TTC23: variants seen among roughly 807,000 people sequenced by gnomAD.
The protein encoded by TTC23 is tetratricopeptide repeat domain 23, also known as tetratricopeptide repeat protein 23.
Under a neutral mutation model 55.1 loss-of-function variants are expected in TTC23, and 58 were observed. The observed-to-expected ratio is 1.05, with a 90% confidence interval of 0.85 to 1.31. TTC23 has a LOEUF of 1.31. TTC23 is among the 50% of genes most tolerant of loss of function. The pLI is 0.00. For missense variants in TTC23, 516 were observed against 534.4 expected, an observed-to-expected ratio of 0.97 and a Z score of 0.34; for synonymous variants, 203 against 199.9, an observed-to-expected ratio of 1.02 and a Z score of -0.13.
chr15:99,223,404 G>A (rs989119077), intron 5 of TTC23, among the ~76,000 whole-genome samples: 5 of 152,326 alleles, frequency 3.3e-5, no homozygotes, highest in African/African-American at 9.6e-5. Context: ...AAGAGGAAAA[G>A]ACACCAGGGA....
chr15:99,226,500 A>T (rs1324286692), intron 5 of TTC23, among the ~76,000 whole-genome samples: 1 of 152,358 alleles, frequency 6.6e-6, no homozygotes, highest in Admixed American at 6.5e-5. Flanking sequence ...TAAAAAACTG[A>T]TATTTTAAAA....
At chr15:99,208,524 C>G (rs1192673039) in intron 8 of TTC23, among the ~76,000 whole-genome samples, 2 of 152,022 alleles carry the variant, frequency 1.3e-5, no homozygotes, top group African/African-American at 4.8e-5. Flanking sequence ...ATGAATACAA[C>G]ACGCAATTGC....
chr15:99,197,135 C>T (rs1241094626), intron 9 of TTC23, among the ~76,000 whole-genome samples: 1 of 151,142 alleles, frequency 6.6e-6, no homozygotes, highest in Non-Finnish European at 1.5e-5. Context: ...CGGAGTCACG[C>T]TCCAACGCCC....
At chr15:99,212,770 G>C (rs988539227) in intron 8 of TTC23, among the ~76,000 whole-genome samples, 3 of 152,116 alleles carry the variant, frequency 2.0e-5, no homozygotes, top group Non-Finnish European at 4.4e-5. Flanking sequence ...GGCCGAGACA[G>C]GAGGATCGCT....
chr15:99,233,806 G>C (rs1007549891), intron 4 of TTC23, among the ~76,000 whole-genome samples: 3 of 152,086 alleles, frequency 2.0e-5, no homozygotes, highest in Non-Finnish European at 4.4e-5. Flanking sequence ...GCTACGGTAG[G>C]CAAGGCAGTT....
chr15:99,202,055 T>C (rs899625771), intron 8 of TTC23, among the ~76,000 whole-genome samples: 1 of 152,234 alleles, frequency 6.6e-6, no homozygotes, highest in Non-Finnish European at 1.5e-5. Context: ...TTCGTTTACA[T>C]ATCATCCATG....
chr15:99,171,687 CGAGTAGCTGGG>C (rs978710288), intron 10 of TTC23, among the ~76,000 whole-genome samples: 25 of 151,682 alleles, frequency 1.6e-4, no homozygotes, highest in African/African-American at 5.3e-4. Context: ...CTCAGCCTCC[CGAGTAGCTGGG>C]ACTACAGGTG....
intron 9 of TTC23, among the ~76,000 whole-genome samples, chr15:99,194,851 C>T (rs1274479997): frequency 6.6e-6 from 1 of 152,188 alleles, no homozygotes; most frequent in East Asian, 1.9e-4. Context: ...AGGACAATTG[C>T]TTGAATCTGG....
rs553454843 is a variant in TTC23 at position 99,139,099 on chromosome 15, T to C, written c.1226+218A>G. On this transcript the variant is annotated intron_variant, in intron 13 of 13. Transcript: ENST00000394132. The stretch of plus-strand genomic sequence containing the variant: ...GTCTGCAGGAAGACAACATCCAGCA[T>C]ATATTTCTGACTTAAAGGATGAATT... 42 of 662,932 alleles carry C rather than the reference T, an allele frequency of 6.3e-5. 1 individual carries two copies. In the South Asian group the frequency reaches 6.7e-4, roughly 11 times the overall value. The allele number at this position is 662,932 out of a possible 1,614,324, so 41.1% of individuals were successfully genotyped here. A position where few individuals can be genotyped will look rare whatever the true frequency, so the allele number is the denominator to read the frequency against.
chr15:99,221,516 A>G (rs1200660462), intron 6 of TTC23, among the ~76,000 whole-genome samples: 2 of 152,342 alleles, frequency 1.3e-5, no homozygotes, highest in South Asian at 2.1e-4. Flanking sequence ...AAAAACAAAA[A>G]CAAAAACAAA....
intron 11 of TTC23, chr15:99,159,150 A>G (rs979312125): frequency 2.6e-5 from 4 of 152,454 alleles, no homozygotes; most frequent in Admixed American, 6.5e-5. Flanking sequence ...GATCTGGGTG[A>G]CTTGGGCAAG....
chr15:99,182,096 T>C (rs2074179158), intron 9 of TTC23, among the ~76,000 whole-genome samples: 1 of 152,192 alleles, frequency 6.6e-6, no homozygotes, highest in African/African-American at 2.4e-5. Flanking sequence ...TCTTAAAAAA[T>C]CTTAAGTGGT....
At chr15:99,217,522 A>C (rs1223639098) in intron 8 of TTC23, among the ~76,000 whole-genome samples, 1 of 152,214 alleles carries the variant, frequency 6.6e-6, no homozygotes, top group Non-Finnish European at 1.5e-5. Context: ...AGAGATACAT[A>C]CTCAAAAACG....
At chr15:99,235,456 T>C (rs560475986) in intron 3 of TTC23, among the ~76,000 whole-genome samples, 2 of 151,702 alleles carry the variant, frequency 1.3e-5, no homozygotes, top group South Asian at 2.1e-4. Flanking sequence ...CTGCAATCTC[T>C]GCCTCCTGGG....
chr15:99,233,713 A>AT (rs2079099891), intron 4 of TTC23, among the ~76,000 whole-genome samples: 1 of 152,222 alleles, frequency 6.6e-6, no homozygotes, highest in Non-Finnish European at 1.5e-5. Flanking sequence ...CAATACTTCT[A>AT]TACAGATTTT....
intron 3 of TTC23, among the ~76,000 whole-genome samples, chr15:99,239,060 C>T (rs1463181795): frequency 6.6e-6 from 1 of 152,166 alleles, no homozygotes; most frequent in African/African-American, 2.4e-5. Context: ...CTCATTTCCT[C>T]ATAAAGCTTA....
chr15:99,137,438 G>A lies in TTC23; in HGVS notation c.*572C>T, dbSNP rs1347662386. 2.0e-5 allele frequency: 3 copies of A among 152,312 alleles called. No individual in the cohort carries two copies. Among genetic ancestry groups the A allele is most frequent in the Non-Finnish European group, 2.9e-5 (2 of 68,148 alleles). The allele number at this position is 152,312 out of a possible 1,614,324, so 9.4% of individuals were successfully genotyped here. A position where few individuals can be genotyped will look rare whatever the true frequency, so the allele number is the denominator to read the frequency against. On this transcript the variant is annotated 3_prime_UTR_variant, in exon 14 of 14. Transcript: ENST00000394132. ...GGCCCCAGGCCAAGTCAGGTGTGTC[G>A]GCCTCCTGCCCCTCCTACTGGGCTC...
chr15:99,184,680 T>C (rs2074495901), intron 9 of TTC23, among the ~76,000 whole-genome samples: 1 of 152,162 alleles, frequency 6.6e-6, no homozygotes, highest in Admixed American at 6.5e-5. Context: ...ACTTGCCTTG[T>C]CTCAGATGAG....
chr15:99,230,269 G>A (rs1215207662), intron 4 of TTC23, among the ~76,000 whole-genome samples: 1 of 152,056 alleles, frequency 6.6e-6, no homozygotes, highest in Non-Finnish European at 1.5e-5. Flanking sequence ...TGGGATTAAT[G>A]GCAGATAAGA....
Sources: gnomAD v4.1 joint callset for allele counts (sites outside exome capture counted in the v4.1 genomes callset) on GRCh38, gnomAD v4.1.1 for gene constraint, MANE v1.5 for transcripts, NCBI Gene and HGNC (gene_info 2026-07-23, HGNC 2026-07-21) for gene names.